The following CDH18 variants were observed in gnomAD, a reference collection of about 807,000 sequenced individuals.
CDH18 encodes the protein cadherin-18.
CDH18 carries 31 observed loss-of-function variants against 67.9 expected under a neutral mutation model. The observed-to-expected ratio is 0.46, with a 90% confidence interval of 0.34 to 0.62. The LOEUF is 0.62. CDH18 is among the 20% of genes least tolerant of loss of function. CDH18 has a pLI of 0.01. For synonymous variants in CDH18, 362 were observed against 347.2 expected, an observed-to-expected ratio of 1.04 and a Z score of -0.48; for missense variants, 890 against 975.5, an observed-to-expected ratio of 0.91 and a Z score of 1.17.
intron 2 of CDH18, among the ~76,000 whole-genome samples, chr5:19,896,632 T>C (rs1789370438): frequency 6.6e-6 from 1 of 152,200 alleles, no homozygotes; most frequent in African/African-American, 2.4e-5. Flanking sequence ...GGACTTCTGG[T>C]ATCCAGAACA....
chr5:20,451,164 C>A, intron 1 of CDH18, among the ~76,000 whole-genome samples: 2 of 152,310 alleles, frequency 1.3e-5, no homozygotes, highest in South Asian at 4.1e-4. Flanking sequence ...ACATTTCTTA[C>A]TACTCTGTAA....
At chr5:20,227,831 C>G (rs1741752046) in intron 2 of CDH18, among the ~76,000 whole-genome samples, 1 of 76,302 alleles carries the variant, frequency 1.3e-5, no homozygotes, top group Non-Finnish European at 2.3e-5. Context: ...TCCATCTAAT[C>G]TAGAAATAAG....
At chr5:19,584,450 C>A (rs1175897485) in intron 7 of CDH18, among the ~76,000 whole-genome samples, 3 of 152,146 alleles carry the variant, frequency 2.0e-5, no homozygotes, top group East Asian at 3.9e-4. Context: ...ACTGTTTTAT[C>A]TTTTTTCTGC....
chr5:20,346,320 T>A (rs115195960), intron 1 of CDH18, among the ~76,000 whole-genome samples: 27 of 152,296 alleles, frequency 1.8e-4, no homozygotes, highest in Non-Finnish European at 3.2e-4. Flanking sequence ...TTAAAACTTA[T>A]CAGAACAAGA....
intron 1 of CDH18, among the ~76,000 whole-genome samples, chr5:20,265,898 G>C (rs1744995863): frequency 6.6e-6 from 1 of 152,186 alleles, no homozygotes; most frequent in African/African-American, 2.4e-5. Context: ...TTGGTAGCTA[G>C]TAAAGATGAC....
chr5:20,060,372 G>GAGAATCGCTTGAAGC (rs1377828435), intron 2 of CDH18, among the ~76,000 whole-genome samples: 2 of 152,032 alleles, frequency 1.3e-5, no homozygotes, highest in African/African-American at 2.4e-5. Flanking sequence ...GCTGAGGAAG[G>GAGAATCGCTTGAAGC]AGAATCGCTT....
At chr5:20,014,303 GA>G (rs1327406733) in intron 2 of CDH18, among the ~76,000 whole-genome samples, 4 of 152,150 alleles carry the variant, frequency 2.6e-5, no homozygotes, top group African/African-American at 9.6e-5. Context: ...AAGAGAAACA[GA>G]AGGTGGAAGT....
At chr5:20,558,094 T>A (rs1237667225) in intron 1 of CDH18, among the ~76,000 whole-genome samples, 1 of 152,076 alleles carries the variant, frequency 6.6e-6, no homozygotes, top group Admixed American at 6.6e-5. Context: ...TCAGTTTTTA[T>A]TAACTTGAGC....
At chr5:20,339,556 C>T (rs1740075435) in intron 1 of CDH18, among the ~76,000 whole-genome samples, 1 of 152,054 alleles carries the variant, frequency 6.6e-6, no homozygotes, top group South Asian at 2.1e-4. Flanking sequence ...ACTACCTTCT[C>T]TATAGGTTCC....
At chr5:20,398,605 G>C (rs2048202) in intron 1 of CDH18, among the ~76,000 whole-genome samples, 1 of 152,096 alleles carries the variant, frequency 6.6e-6, no homozygotes, top group Non-Finnish European at 1.5e-5. Context: ...AACCACCATG[G>C]CACATGTATA....
At chr5:19,618,070 A>G (rs1330185075) in intron 5 of CDH18, among the ~76,000 whole-genome samples, 1 of 152,202 alleles carries the variant, frequency 6.6e-6, no homozygotes, top group Non-Finnish European at 1.5e-5. Context: ...AAAATGCCTA[A>G]CGGGCTAGAA....
rs1378826996 is a variant in CDH18, at chr5:20,186,774, C to T, written c.-518+68670G>A. Among the ~76,000 whole-genome samples the T allele has an allele frequency of 2.0e-5, 3 of 151,834 alleles. No homozygotes were observed. The East Asian group carries it at 5.8e-4, about 29-fold the overall frequency. ...TTAAAAAAATGTAGAATTATCTATC[C>T]TCCAGAAATTCTTCCAGGTATATAT... On this transcript the variant is annotated intron_variant, in intron 2 of 14. Transcript: ENST00000507958.
intron 9 of CDH18, among the ~76,000 whole-genome samples, chr5:19,523,270 A>C (rs1254945294): frequency 6.6e-6 from 1 of 152,180 alleles, no homozygotes; most frequent in Non-Finnish European, 1.5e-5. Flanking sequence ...TAATATGTGC[A>C]CTTAAGTTAC....
At position 19,724,803 on chromosome 5, in the gene CDH18, A is replaced by T. The variant is rs150310336; in HGVS notation, c.524-3337T>A. Among the ~76,000 whole-genome samples the T allele has an allele frequency of 1.9e-3, 288 of 152,300 alleles. 1 individual carries two copies. The highest frequency in any genetic ancestry group is 0.01 in the Middle Eastern group (3 of 294). Reference sequence around the variant, plus strand: ...TTTGTGTGTCCTGTGAGTTTTCTCAATATACCGCTAACCTTTCTGGCTTGA... The same window carrying T: ...TTTGTGTGTCCTGTGAGTTTTCTCATTATACCGCTAACCTTTCTGGCTTGA... On this transcript the variant is annotated intron_variant, in intron 4 of 12. Transcript: ENST00000382275.
intron 5 of CDH18, among the ~76,000 whole-genome samples, chr5:19,694,392 C>T (rs1179070446): frequency 6.6e-6 from 1 of 152,054 alleles, no homozygotes; most frequent in Non-Finnish European, 1.5e-5. Flanking sequence ...AATAGGATTG[C>T]CTTCATATGC....
At chr5:19,545,720 T>C (rs923538623) in intron 8 of CDH18, among the ~76,000 whole-genome samples, 6 of 152,076 alleles carry the variant, frequency 3.9e-5, no homozygotes, top group Non-Finnish European at 7.4e-5. Context: ...TAAAAAGAGC[T>C]GGGGAAAGGT....
intron 1 of CDH18, among the ~76,000 whole-genome samples, chr5:20,551,777 A>G (rs150860502): frequency 1.0e-3 from 157 of 152,280 alleles, no homozygotes; most frequent in African/African-American, 3.5e-3. Flanking sequence ...TCACTTACTA[A>G]TTTGGTCAGT....
intron 9 of CDH18, among the ~76,000 whole-genome samples, chr5:19,533,323 A>G (rs1748934941): frequency 6.6e-6 from 1 of 152,206 alleles, no homozygotes; most frequent in South Asian, 2.1e-4. Flanking sequence ...TAGGCTTTGG[A>G]TTCTGCAACA....
chr5:19,666,456 T>C (rs1043815194), intron 5 of CDH18, among the ~76,000 whole-genome samples: 2 of 151,580 alleles, frequency 1.3e-5, no homozygotes, highest in Non-Finnish European at 2.9e-5. Flanking sequence ...ATGATGAAAA[T>C]GATAAAACAT....
Sources: allele counts gnomAD v4.1 joint callset (sites outside exome capture counted in the v4.1 genomes callset), GRCh38; gene constraint gnomAD v4.1.1; transcripts MANE v1.5; gene names NCBI Gene and HGNC (gene_info 2026-07-23, HGNC 2026-07-21).